The following POLR2B variants were observed in gnomAD, a reference collection of about 807,000 sequenced individuals.
POLR2B encodes RNA polymerase II subunit B.
Under a neutral mutation model 144.6 loss-of-function variants are expected in POLR2B, and 57 were observed. That is an observed-to-expected ratio of 0.39 (90% confidence interval 0.32 to 0.49). The LOEUF is 0.49. Among genes scored for constraint, POLR2B ranks in the 20% least tolerant of loss-of-function variants. The pLI is 0.83. For missense variants in POLR2B, 595 were observed against 1,467.4 expected (o/e 0.41, Z 9.71); for synonymous variants, 442 against 469.8 (o/e 0.94, Z 0.77).
intron 7 of POLR2B, among the ~76,000 whole-genome samples, chr4:57,002,096 C>T (rs1277533533): frequency 1.3e-5 from 2 of 152,152 alleles, no homozygotes; most frequent in African/African-American, 4.8e-5. Flanking sequence ...GGTGAAATTA[C>T]AGCTCACTGC....
At chr4:56,998,457 A>G (rs1313938174) in intron 6 of POLR2B, among the ~76,000 whole-genome samples, 1 of 152,222 alleles carries the variant, frequency 6.6e-6, no homozygotes, top group Non-Finnish European at 1.5e-5. Context: ...TTGGCCTCCC[A>G]GAGTGCTGGG....
At position 57,017,015 on chromosome 4, in the gene POLR2B, G is replaced by C. The variant is rs769216758; in HGVS notation, c.1956-28G>C. The C allele has an allele frequency of 1.4e-6, 2 of 1,445,478 alleles. No individual in the cohort carries two copies. Among genetic ancestry groups the C allele is most frequent in the Non-Finnish European group, 1.9e-6 (2 of 1,057,852 alleles). The allele number at this position is 1,445,478 out of a possible 1,614,324, so 89.5% of individuals were successfully genotyped here. A position where few individuals can be genotyped will look rare whatever the true frequency, so the allele number is the denominator to read the frequency against. On this transcript the variant is annotated intron_variant, in intron 14 of 24. Coordinates refer to ENST00000314595, the MANE Select transcript of POLR2B (RefSeq NM_000938.3). This position sits in a 1 kb window ranked among gnomAD's most constrained non-coding sequence, Gnocchi z 4.8. Reference sequence around the variant, plus strand: ...ATAGTTAGTTAAAATACTTGAGGAAGTAGAAAATTGAGTGAATTCTTTTTT... The same window carrying C: ...ATAGTTAGTTAAAATACTTGAGGAACTAGAAAATTGAGTGAATTCTTTTTT...
Position 57,017,791 on chromosome 4 carries a change from G to C in POLR2B, c.2323+63G>C. 1 of 1,186,196 alleles carries C rather than the reference G, an allele frequency of 8.4e-7. No individual in the cohort carries two copies. The highest frequency in any genetic ancestry group is 1.2e-6 in the Non-Finnish European group (1 of 834,704). The allele number at this position is 1,186,196 out of a possible 1,614,324, so 73.5% of individuals were successfully genotyped here. A position where few individuals can be genotyped will look rare whatever the true frequency, so the allele number is the denominator to read the frequency against. On this transcript the variant is annotated intron_variant, in intron 16 of 24. Coordinates refer to ENST00000314595, the MANE Select transcript of POLR2B (RefSeq NM_000938.3). This position sits in a 1 kb window ranked among gnomAD's most constrained non-coding sequence, Gnocchi z 4.8. ...CTGTGCTTAAGGCACTTTTCTGGGT[G>C]CTTGGGAGGATTAAAAAATAAATAT...
chr4:57,029,208 T>G (rs183903497), intron 23 of POLR2B, among the ~76,000 whole-genome samples: 149 of 152,320 alleles, frequency 9.8e-4, no homozygotes, highest in African/African-American at 2.6e-3. Context: ...TTTTATGATT[T>G]TAGCAGCTAT....
chr4:57,025,141 A>G, intron 22 of POLR2B, 142 bp downstream of exon 22: 1 of 623,510 alleles, frequency 1.6e-6, no homozygotes, highest in Admixed American at 3.0e-5. Flanking sequence ...TTCACAAAGT[A>G]AACACAGCTG....
intron 23 of POLR2B, among the ~76,000 whole-genome samples, chr4:57,026,261 TAG>T (rs1723716638): frequency 6.6e-6 from 1 of 151,682 alleles, no homozygotes; most frequent in African/African-American, 2.4e-5. Flanking sequence ...AAAAATTTTG[TAG>T]AGACGGGGGT....
chr4:56,986,869 C>T (rs1173766502), intron 2 of POLR2B: 1 of 152,432 alleles, frequency 6.6e-6, no homozygotes, highest in African/African-American at 2.4e-5. Flanking sequence ...CTTATTTAAT[C>T]TATAGACCTT....
Position 57,030,163 on chromosome 4 carries a change from TA to T in POLR2B, c.3240-35del. 6.0e-6 allele frequency: 9 copies of T among 1,505,730 alleles called. No individual in the cohort carries two copies. In the South Asian group the frequency reaches 8.1e-5, roughly 13 times the overall value. The allele number at this position is 1,505,730 out of a possible 1,614,324, so 93.3% of individuals were successfully genotyped here. On this transcript the variant is annotated intron_variant, in intron 23 of 24. Transcript: ENST00000314595. ...CCATTATTCAAGGCGGTGTTTATAA[TA>T]AAAAATAAGTACAAAGTAATAATTT...
chr4:57,021,485 CTTTTTTTT>C (rs34804702), intron 17 of POLR2B, among the ~76,000 whole-genome samples: 1 of 110,342 alleles, frequency 9.1e-6, no homozygotes, highest in Admixed American at 1.0e-4. Context: ...AATGTAAAAA[CTTTTTTTT>C]TTTTTTTTTT....
chr4:56,999,251 TC>T (rs1560475763), intron 6 of POLR2B, among the ~76,000 whole-genome samples: 1 of 149,318 alleles, frequency 6.7e-6, no homozygotes, highest in African/African-American at 2.5e-5. Context: ...ATTTCTTTCT[TC>T]CAGAGGTTTA....
intron 2 of POLR2B, among the ~76,000 whole-genome samples, chr4:56,989,165 G>T (rs576184838): frequency 6.6e-6 from 1 of 152,246 alleles, no homozygotes; most frequent in South Asian, 2.1e-4. Context: ...TATAGTTTAG[G>T]TGTTTAAGCA....
chr4:56,983,352 C>A (rs929404931), intron 1 of POLR2B, among the ~76,000 whole-genome samples: 1 of 146,498 alleles, frequency 6.8e-6, no homozygotes, highest in Non-Finnish European at 1.5e-5. Flanking sequence ...GTTTATAACA[C>A]GAGATCTCTG....
intron 13 of POLR2B, among the ~76,000 whole-genome samples, chr4:57,011,785 T>C (rs902943206): frequency 1.3e-5 from 2 of 152,164 alleles, no homozygotes; most frequent in Non-Finnish European, 2.9e-5. Context: ...ATCACACCAC[T>C]GCACTCCAGC....
intron 3 of POLR2B, among the ~76,000 whole-genome samples, chr4:56,992,620 C>T (rs1415076363): frequency 1.4e-5 from 2 of 138,878 alleles, no homozygotes; most frequent in African/African-American, 2.7e-5. Context: ...AATGCAGTGG[C>T]GCGATCTCGG....
intron 22 of POLR2B, 96 bp downstream of exon 22, chr4:57,025,095 T>C: frequency 1.5e-6 from 1 of 682,034 alleles, no homozygotes; most frequent in Non-Finnish European, 2.6e-6. Context: ...TGAAGTATCA[T>C]ATGTGCACAT....
intron 14 of POLR2B, among the ~76,000 whole-genome samples, chr4:57,016,633 AAGAAATT>A (rs1338860351): frequency 9.0e-6 from 1 of 111,112 alleles, no homozygotes; most frequent in African/African-American, 2.9e-5. Flanking sequence ...ATAATATAAT[AAGAAATT>A]TAGTAAAAAG....
intron 7 of POLR2B, among the ~76,000 whole-genome samples, chr4:57,001,499 G>A (rs2109675088): frequency 6.6e-6 from 1 of 152,330 alleles, no homozygotes; most frequent in African/African-American, 2.4e-5. Context: ...AAAGTATATA[G>A]AGGACAGGCC....
intron 7 of POLR2B, among the ~76,000 whole-genome samples, chr4:57,002,308 C>T (rs540419317): frequency 1.3e-5 from 2 of 152,214 alleles, no homozygotes; most frequent in African/African-American, 4.8e-5. Flanking sequence ...GGATTACAGG[C>T]GTGAACCACC....
chr4:57,011,252 G>C (rs982706374), intron 13 of POLR2B, 152 bp downstream of exon 13: 1 of 631,896 alleles, frequency 1.6e-6, no homozygotes, highest in Non-Finnish European at 2.8e-6. Context: ...TTGCTAGGCC[G>C]GGTGCAGTGG....
Sources: allele counts gnomAD v4.1 joint callset (sites outside exome capture counted in the v4.1 genomes callset), GRCh38; gene constraint gnomAD v4.1.1; non-coding constraint Gnocchi (gnomAD v3.1); transcripts MANE v1.5; gene names NCBI Gene and HGNC (gene_info 2026-07-23, HGNC 2026-07-21).